RBM5: variants seen among roughly 807,000 people sequenced by gnomAD.
The protein encoded by RBM5 is RNA binding motif protein 5.
Under a neutral mutation model 124.6 loss-of-function variants are expected in RBM5, and 15 were observed. That is an observed-to-expected ratio of 0.12 (90% CI 0.08 to 0.19). The LOEUF is 0.19. Ranked by LOEUF, RBM5 falls within the 10% of genes least tolerant of loss-of-function variation. The pLI is 1.00. For missense variants in RBM5, 580 were observed against 1,026.5 expected (o/e 0.57, Z 5.94); for synonymous variants, 337 against 361.2 (o/e 0.93, Z 0.76).
chr3:50,091,995 G>T, intron 2 of RBM5, 48 bp from the exon 3 acceptor site: 1 of 1,580,896 alleles, frequency 6.3e-7, no homozygotes, highest in South Asian at 1.1e-5. Flanking sequence ...GTCTTTTAAA[G>T]GTACAAAATG....
At chr3:50,104,999 C>A in intron 8 of RBM5, 78 bp from the exon 9 acceptor site, 1 of 1,128,010 alleles carries the variant, frequency 8.9e-7, no homozygotes, top group Non-Finnish European at 1.3e-6. Flanking sequence ...AAAATAAAAA[C>A]TTGTGGGGAT....
At chr3:50,093,955 T>C (rs2090757692) in intron 4 of RBM5, 80 bp downstream of exon 4, 1 of 1,487,680 alleles carries the variant, frequency 6.7e-7, no homozygotes. Context: ...TCTCATGCTA[T>C]TGTTTTATCT....
At chr3:50,115,047 A>C in intron 20 of RBM5, 1 of 185,074 alleles carries the variant, frequency 5.4e-6, no homozygotes, top group Non-Finnish European at 1.1e-5. Context: ...AAGCGCCTGT[A>C]ATCCCAGCTA....
intron 8 of RBM5, 36 bp from the exon 9 acceptor site, chr3:50,105,041 G>C (rs1483132340): frequency 8.4e-6 from 12 of 1,423,368 alleles, no homozygotes; most frequent in Non-Finnish European, 1.2e-5. Flanking sequence ...AAATACATTA[G>C]TTGTTTGTCT....
intron 11 of RBM5, 48 bp from the exon 12 acceptor site, chr3:50,107,434 G>A: frequency 6.9e-7 from 1 of 1,447,092 alleles, no homozygotes; most frequent in Non-Finnish European, 9.7e-7. Context: ...GGCACTAATT[G>A]TGGGAATACT....
At chr3:50,093,575 A>G in intron 3 of RBM5, 145 bp from the exon 4 acceptor site, 1 of 835,752 alleles carries the variant, frequency 1.2e-6, no homozygotes, top group South Asian at 2.8e-5. Flanking sequence ...CCCTGTCTCA[A>G]AAAAAAAAAA....
chr3:50,110,165 T>A (rs1050624245), intron 15 of RBM5, among the ~76,000 whole-genome samples: 1 of 152,192 alleles, frequency 6.6e-6, no homozygotes. Context: ...GAGCCAAGAT[T>A]GCGCCACTGC....
rs914910364 is a variant in RBM5, at chr3:50,104,981, G to C, written c.629-96G>C. The stretch of plus-strand genomic sequence containing the variant: ...TAAAAAAGAAAAAAACGATTGTTTT[G>C]TGTGGTTAAAATAAAAACTTGTGGG... On this transcript the variant is annotated intron_variant, in intron 8 of 24. Coordinates refer to ENST00000347869, the MANE Select transcript of RBM5 (RefSeq NM_005778.4). 6 of 943,632 alleles carry C rather than the reference G, an allele frequency of 6.4e-6. No individual in the cohort carries two copies. The Admixed American group carries it at 6.4e-5, about 10-fold the overall frequency. 58.5% of individuals were successfully genotyped at this position (943,632 alleles called of 1,614,324 possible).
intron 17 of RBM5, among the ~76,000 whole-genome samples, chr3:50,111,209 G>C (rs1402267451): frequency 1.3e-5 from 2 of 152,140 alleles, no homozygotes; most frequent in African/African-American, 4.8e-5. Context: ...ATTTTAAATT[G>C]TACTTTTCTC....
At chr3:50,099,926 T>G in intron 4 of RBM5, 56 bp from the exon 5 acceptor site, 1 of 1,441,968 alleles carries the variant, frequency 6.9e-7, no homozygotes, top group Non-Finnish European at 9.5e-7. Flanking sequence ...TCCTATTCCA[T>G]GGGGAATAGT....
intron 18 of RBM5, among the ~76,000 whole-genome samples, 185 bp downstream of exon 18, chr3:50,113,729 A>T (rs942984898): frequency 1.3e-5 from 2 of 152,212 alleles, no homozygotes; most frequent in African/African-American, 4.8e-5. Flanking sequence ...CAGCCTGTGT[A>T]CTTAGGGAAA....
chr3:50,093,569 G>C, intron 3 of RBM5, 151 bp from the exon 4 acceptor site: 1 of 762,040 alleles, frequency 1.3e-6, no homozygotes, highest in Non-Finnish European at 2.0e-6. Context: ...TGAGACCCCT[G>C]TCTCAAAAAA....
intron 4 of RBM5, among the ~76,000 whole-genome samples, chr3:50,094,839 ATCTC>A (rs1397437191): frequency 1.3e-5 from 2 of 152,344 alleles, no homozygotes; most frequent in Middle Eastern, 3.4e-3. Flanking sequence ...ACCTGTATCT[ATCTC>A]AGCTAGTGAA....
rs2090714078 is a variant in RBM5 at position 50,092,126 on chromosome 3, G to A, written c.101G>A (p.Arg34Gln). The change falls in exon 3 of 25, where the codon CGG becomes CAG. Residue 34 changes from arginine (R) to glutamine (Q), a missense_variant. Physicochemically the swap from Arg to Gln is conservative, Grantham distance 43 (BLOSUM62 1). Around this residue, in one of 6 missense-constraint regions of RBM5, gnomAD observed 99 missense variants for 121.1 expected, o/e 0.82. Coordinates refer to ENST00000347869, the MANE Select transcript of RBM5 (RefSeq NM_005778.4). ...DRDERESRSR[R>Q]RDSDYKRSSD... Reference sequence around the variant, plus strand: ...GATGAGCGTGAATCCCGAAGCAGGCGGAGGGACTCAGATTACAAAAGATCT... The same window carrying A: ...GATGAGCGTGAATCCCGAAGCAGGCAGAGGGACTCAGATTACAAAAGATCT... 2 of 1,613,990 alleles carry A rather than the reference G, an allele frequency of 1.2e-6. No homozygotes were observed. Among genetic ancestry groups the A allele is most frequent in the Non-Finnish European group, 1.7e-6 (2 of 1,179,942 alleles).
chr3:50,104,994 A>T, intron 8 of RBM5, 83 bp from the exon 9 acceptor site: 1 of 1,099,938 alleles, frequency 9.1e-7, no homozygotes, highest in Non-Finnish European at 1.4e-6. Context: ...TGGTTAAAAT[A>T]AAAACTTGTG....
chr3:50,093,923 C>T (rs1453754511), intron 4 of RBM5, 48 bp downstream of exon 4: 1 of 1,556,446 alleles, frequency 6.4e-7, no homozygotes, highest in South Asian at 1.1e-5. Context: ...GCACAATGAA[C>T]TTTGAGCTTC....
At chr3:50,115,317 G>A in intron 20 of RBM5, 111 bp from the exon 21 acceptor site, 1 of 1,263,178 alleles carries the variant, frequency 7.9e-7, no homozygotes. Flanking sequence ...GTGACATGCA[G>A]TAATGGGGAT....
chr3:50,116,537 C>A, intron 22 of RBM5: 1 of 173,194 alleles, frequency 5.8e-6, no homozygotes, highest in Non-Finnish European at 1.3e-5. Context: ...TAGAAATGAG[C>A]AAGTGGGTTT....
chr3:50,116,767 C>T lies in RBM5; in HGVS notation c.2095-307C>T, dbSNP rs1439919757. 9 of 373,102 alleles carry T rather than the reference C, an allele frequency of 2.4e-5. No individual in the cohort carries two copies. The East Asian group carries it at 2.5e-4, about 10-fold the overall frequency. The allele number at this position is 373,102 out of a possible 1,614,324, so 23.1% of individuals were successfully genotyped here. A position where few individuals can be genotyped will look rare whatever the true frequency, so the allele number is the denominator to read the frequency against. On this transcript the variant is annotated intron_variant, in intron 22 of 24. Coordinates refer to ENST00000347869, the MANE Select transcript of RBM5 (RefSeq NM_005778.4). ...GAACGGGCAACTCTGCCTTCCTCTT[C>T]GCAAGCTGTACCCACTGCCCAGTGG...
Sources: allele counts gnomAD v4.1 joint callset (sites outside exome capture counted in the v4.1 genomes callset), GRCh38; gene constraint gnomAD v4.1.1; regional missense constraint gnomAD v4.1.1; transcripts MANE v1.5; gene names NCBI Gene and HGNC (gene_info 2026-07-23, HGNC 2026-07-21).